PTPRM: variants seen among roughly 807,000 people sequenced by gnomAD.
PTPRM encodes the protein receptor-type tyrosine-protein phosphatase mu.
In PTPRM, 47 loss-of-function variants were observed where a neutral mutation model predicts 186.7. The observed-to-expected ratio is 0.25, with a 90% CI of 0.20 to 0.32. The LOEUF is 0.32. PTPRM is among the 10% of genes least tolerant of loss of function. The pLI is 1.00. For missense variants in PTPRM, 1,494 were observed against 1,865.0 expected (o/e 0.80, Z 3.66); for synonymous variants, 668 against 674.9 (o/e 0.99, Z 0.16).
At chr18:8,117,877 A>G (rs948725231) in intron 13 of PTPRM, among the ~76,000 whole-genome samples, 2 of 152,218 alleles carry the variant, frequency 1.3e-5, no homozygotes, top group Non-Finnish European at 2.9e-5. Flanking sequence ...CTTAAAATCT[A>G]TGAAATTGTA....
chr18:7,872,873 C>T (rs180998740), intron 2 of PTPRM, among the ~76,000 whole-genome samples: 5 of 152,320 alleles, frequency 3.3e-5, no homozygotes, highest in South Asian at 2.1e-4. Flanking sequence ...TCTTAAATAA[C>T]ATTTTTAAGT....
chr18:7,982,253 C>T (rs181086715), intron 7 of PTPRM, among the ~76,000 whole-genome samples: 192 of 147,422 alleles, frequency 1.3e-3, no homozygotes, highest in African/African-American at 4.5e-3. Context: ...TATTCTTATT[C>T]TATAAGCTGT....
intron 3 of PTPRM, among the ~76,000 whole-genome samples, chr18:7,902,834 CTTTT>C (rs34332223): frequency 4.6e-5 from 6 of 130,092 alleles, no homozygotes; most frequent in Admixed American, 1.5e-4. Flanking sequence ...TCTTCTCTGC[CTTTT>C]TTTTTTTTTT....
intron 1 of PTPRM, among the ~76,000 whole-genome samples, chr18:7,636,189 C>G (rs1434829219): frequency 6.7e-6 from 1 of 149,022 alleles, no homozygotes; most frequent in African/African-American, 2.5e-5. Context: ...AGTGTACCTA[C>G]CTGTTAACCA....
chr18:8,291,437 GATTAGCTT>G (rs2095041983), intron 19 of PTPRM, among the ~76,000 whole-genome samples: 1 of 152,124 alleles, frequency 6.6e-6, no homozygotes, highest in Non-Finnish European at 1.5e-5. Flanking sequence ...TTCAAAACCT[GATTAGCTT>G]TACTTTCAAC....
chr18:7,736,620 T>C (rs2040775622), intron 1 of PTPRM, among the ~76,000 whole-genome samples: 1 of 152,152 alleles, frequency 6.6e-6, no homozygotes, highest in African/African-American at 2.4e-5. Context: ...AGATTTCACA[T>C]GAAAGGGTCG....
At chr18:7,949,119 G>C in intron 5 of PTPRM, 62 bp from the exon 6 acceptor site, 1 of 1,438,180 alleles carries the variant, frequency 7.0e-7, no homozygotes, top group Middle Eastern at 1.8e-4. Context: ...TTGGGTGTCT[G>C]ACTGTTTTGC....
At chr18:8,154,428 A>G (rs1168055518) in intron 14 of PTPRM, 1 of 152,224 alleles carries the variant, frequency 6.6e-6, no homozygotes, top group East Asian at 1.9e-4. Context: ...TGGGTGAAAC[A>G]AATTCATTCA....
chr18:7,726,657 G>A (rs2040555578), intron 1 of PTPRM, among the ~76,000 whole-genome samples: 1 of 152,170 alleles, frequency 6.6e-6, no homozygotes, highest in Admixed American at 6.5e-5. Context: ...TCTCAAGAGT[G>A]AGAATGACCA....
intron 1 of PTPRM, among the ~76,000 whole-genome samples, chr18:7,674,328 G>T (rs533003693): frequency 1.3e-5 from 2 of 152,270 alleles, no homozygotes; most frequent in African/African-American, 4.8e-5. Context: ...TTCAAGAGTT[G>T]GGTTTCCTCT....
intron 1 of PTPRM, among the ~76,000 whole-genome samples, chr18:7,611,361 C>T (rs1352964377): frequency 1.3e-5 from 2 of 152,128 alleles, no homozygotes; most frequent in African/African-American, 4.8e-5. Context: ...ATTCACTCAC[C>T]ACTCACTGAC....
At chr18:7,601,276 G>A (rs969842896) in intron 1 of PTPRM, among the ~76,000 whole-genome samples, 3 of 152,326 alleles carry the variant, frequency 2.0e-5, no homozygotes, top group African/African-American at 7.2e-5. Flanking sequence ...CTGCAGGAAG[G>A]ACAGTCCTAG....
chr18:7,676,065 G>A (rs1011727394), intron 1 of PTPRM, among the ~76,000 whole-genome samples: 6 of 152,004 alleles, frequency 3.9e-5, no homozygotes, highest in African/African-American at 1.2e-4. Flanking sequence ...ATTGTGAAAT[G>A]GATGTATGGG....
intron 31 of PTPRM, among the ~76,000 whole-genome samples, chr18:8,387,945 GAAA>G (rs11351770): frequency 3.5e-5 from 5 of 143,546 alleles, no homozygotes; most frequent in African/African-American, 5.2e-5. Context: ...AGCTTTACAT[GAAA>G]AAAAAAAAAA....
At chr18:8,110,163 G>T (rs1466977360) in intron 11 of PTPRM, among the ~76,000 whole-genome samples, 1 of 152,220 alleles carries the variant, frequency 6.6e-6, no homozygotes, top group Non-Finnish European at 1.5e-5. Context: ...CACAGCCGAA[G>T]TGTCACGAGA....
chr18:7,973,210 G>A, intron 7 of PTPRM, among the ~76,000 whole-genome samples: 1 of 152,032 alleles, frequency 6.6e-6, no homozygotes, highest in Middle Eastern at 3.4e-3. Flanking sequence ...AATATATATA[G>A]TATACAATTA....
At chr18:8,304,821 ATTTTT>A (rs34216473) in intron 20 of PTPRM, among the ~76,000 whole-genome samples, 1 of 131,294 alleles carries the variant, frequency 7.6e-6, no homozygotes. Flanking sequence ...TGTTGACTTT[ATTTTT>A]TTTTTTTTTT....
chr18:7,890,657 C>T (rs984623530), intron 3 of PTPRM, among the ~76,000 whole-genome samples: 3 of 151,828 alleles, frequency 2.0e-5, no homozygotes, highest in African/African-American at 7.3e-5. Context: ...TCTAGCAGTC[C>T]ACTATTAGGA....
At chr18:8,071,208 C>T (rs1490100966) in intron 8 of PTPRM, among the ~76,000 whole-genome samples, 1 of 152,194 alleles carries the variant, frequency 6.6e-6, no homozygotes, top group Non-Finnish European at 1.5e-5. Context: ...CCAACTCTCT[C>T]TCATCTCCCA....
Sources: allele counts gnomAD v4.1 joint callset (sites outside exome capture counted in the v4.1 genomes callset), GRCh38; gene constraint gnomAD v4.1.1; transcripts MANE v1.5; gene names NCBI Gene and HGNC (gene_info 2026-07-23, HGNC 2026-07-21).